Variants in SLC35F4 observed in about 807,000 individuals in gnomAD.
SLC35F4 encodes the protein chromosome 14 open reading frame 36.
A neutral mutation model predicts 44.2 loss-of-function variants in SLC35F4; 24 were observed. The ratio of observed to expected loss-of-function variants is 0.54; its 90% CI spans 0.39 to 0.76. The LOEUF is 0.76. Ranked by LOEUF, SLC35F4 falls within the 30% of genes least tolerant of loss-of-function variation. SLC35F4 has a pLI of 0.00. For synonymous variants in SLC35F4, 238 were observed against 223.6 expected, an observed-to-expected ratio of 1.06 and a Z score of -0.57; for missense variants, 562 against 586.1, an observed-to-expected ratio of 0.96 and a Z score of 0.42.
At chr14:57,694,189 G>A (rs913383094) in intron 1 of SLC35F4, among the ~76,000 whole-genome samples, 3 of 152,076 alleles carry the variant, frequency 2.0e-5, no homozygotes, top group African/African-American at 7.2e-5. Flanking sequence ...CTACCTCCAA[G>A]TATAATTGCA....
At chr14:57,810,427 T>C (rs920285218) in intron 1 of SLC35F4, among the ~76,000 whole-genome samples, 2 of 152,248 alleles carry the variant, frequency 1.3e-5, no homozygotes, top group Non-Finnish European at 2.9e-5. Flanking sequence ...ATAATTTTAC[T>C]TTTTGTTTGT....
chr14:57,884,867 A>G (rs565787234), intron 1 of SLC35F4, among the ~76,000 whole-genome samples: 4 of 152,194 alleles, frequency 2.6e-5, no homozygotes, highest in Non-Finnish European at 5.9e-5. Flanking sequence ...TCAAGTTACA[A>G]CAAAACACAG....
At chr14:57,807,613 TACTG>T (rs1566871231) in intron 1 of SLC35F4, among the ~76,000 whole-genome samples, 1 of 151,930 alleles carries the variant, frequency 6.6e-6, no homozygotes, top group African/African-American at 2.4e-5. Context: ...AAGCCAAATC[TACTG>T]ACTGATTTAT....
intron 1 of SLC35F4, among the ~76,000 whole-genome samples, chr14:57,726,489 C>A (rs1276753133): frequency 2.0e-5 from 3 of 152,162 alleles, no homozygotes; most frequent in Non-Finnish European, 2.9e-5. Flanking sequence ...TACACTTGTA[C>A]TAATATATTT....
chr14:57,594,608 G>A (rs1313855128), intron 1 of SLC35F4, among the ~76,000 whole-genome samples: 2 of 152,194 alleles, frequency 1.3e-5, no homozygotes, highest in Non-Finnish European at 2.9e-5. Context: ...TGGTACTTGT[G>A]TTCAGAATTA....
intron 1 of SLC35F4, among the ~76,000 whole-genome samples, chr14:57,657,137 T>C (rs1381214204): frequency 6.6e-6 from 1 of 152,228 alleles, no homozygotes; most frequent in Non-Finnish European, 1.5e-5. Context: ...TTTGCTTTCC[T>C]TGTCTTTCCC....
intron 1 of SLC35F4, among the ~76,000 whole-genome samples, chr14:57,668,096 A>AT (rs1178558045): frequency 6.7e-6 from 1 of 150,018 alleles, no homozygotes; most frequent in Non-Finnish European, 1.5e-5. Flanking sequence ...GATGATGAGC[A>AT]TTTTTTCATG....
chr14:57,719,315 A>AT (rs1305609035), intron 1 of SLC35F4, among the ~76,000 whole-genome samples: 2 of 152,056 alleles, frequency 1.3e-5, no homozygotes, highest in African/African-American at 4.8e-5. Flanking sequence ...GTCCTTTGTG[A>AT]TTCCATATGA....
intron 1 of SLC35F4, among the ~76,000 whole-genome samples, chr14:57,944,546 T>C (rs934746615): frequency 2.0e-5 from 3 of 151,868 alleles, no homozygotes; most frequent in South Asian, 2.1e-4. Flanking sequence ...CTCCTCAAAA[T>C]TGTGCTTTGT....
At chr14:57,636,057 C>T (rs1195156312) in intron 1 of SLC35F4, among the ~76,000 whole-genome samples, 1 of 152,116 alleles carries the variant, frequency 6.6e-6, no homozygotes, top group East Asian at 1.9e-4. Context: ...TAGGTGGCTT[C>T]AGGAAAATTA....
chr14:57,688,459 T>C (rs1322142692), intron 1 of SLC35F4, among the ~76,000 whole-genome samples: 1 of 152,180 alleles, frequency 6.6e-6, no homozygotes, highest in Non-Finnish European at 1.5e-5. Flanking sequence ...CAGGGTACGA[T>C]GGATTATTTT....
intron 1 of SLC35F4, among the ~76,000 whole-genome samples, chr14:57,780,401 A>G (rs1362668702): frequency 1.3e-5 from 2 of 152,094 alleles, no homozygotes; most frequent in Non-Finnish European, 2.9e-5. Flanking sequence ...TCTCTACAAT[A>G]AGAATTACAA....
intron 1 of SLC35F4, among the ~76,000 whole-genome samples, chr14:57,948,015 G>A (rs920875342): frequency 6.6e-6 from 1 of 151,866 alleles, no homozygotes; most frequent in Non-Finnish European, 1.5e-5. Flanking sequence ...CCCTGATTTT[G>A]GCATTAGGGC....
At chr14:57,942,749 CATA>C (rs1889937362) in intron 1 of SLC35F4, among the ~76,000 whole-genome samples, 1 of 151,894 alleles carries the variant, frequency 6.6e-6, no homozygotes, top group South Asian at 2.1e-4. Flanking sequence ...CTTTGTCTTT[CATA>C]ATATGATGTC....
chr14:57,720,124 T>C (rs1775721252), intron 1 of SLC35F4, among the ~76,000 whole-genome samples: 1 of 152,238 alleles, frequency 6.6e-6, no homozygotes, highest in African/African-American at 2.4e-5. Flanking sequence ...TTGAGTTGCA[T>C]ATCAAATCAA....
chr14:57,604,490 T>A (rs541664891), intron 1 of SLC35F4, among the ~76,000 whole-genome samples: 1 of 152,212 alleles, frequency 6.6e-6, no homozygotes, highest in Non-Finnish European at 1.5e-5. Context: ...CCCATGCTCA[T>A]GGATTGGAAG....
chr14:57,723,650 G>C (rs2076138146), intron 1 of SLC35F4, among the ~76,000 whole-genome samples: 1 of 152,214 alleles, frequency 6.6e-6, no homozygotes, highest in African/African-American at 2.4e-5. Context: ...CTCCATTCCT[G>C]TCCATAAGGC....
At chr14:57,775,311 C>A (rs1370661544) in intron 1 of SLC35F4, among the ~76,000 whole-genome samples, 2 of 152,212 alleles carry the variant, frequency 1.3e-5, no homozygotes, top group African/African-American at 4.8e-5. Flanking sequence ...CACACTGCTG[C>A]TGCCACTGCT....
At chr14:57,883,324 A>G (rs180783680) in intron 1 of SLC35F4, among the ~76,000 whole-genome samples, 1 of 152,230 alleles carries the variant, frequency 6.6e-6, no homozygotes, top group Non-Finnish European at 1.5e-5. Context: ...TTTGCAAAAC[A>G]TTACTGTCAC....
Sources: gnomAD v4.1 joint callset for allele counts (sites outside exome capture counted in the v4.1 genomes callset) on GRCh38, gnomAD v4.1.1 for gene constraint, MANE v1.5 for transcripts, NCBI Gene and HGNC (gene_info 2026-07-23, HGNC 2026-07-21) for gene names.